Variants in AIMP1 observed in about 807,000 individuals in gnomAD.
The protein encoded by AIMP1 is aminoacyl tRNA synthetase complex interacting multifunctional protein 1, also known as aminoacyl tRNA synthase complex-interacting multifunctional protein 1.
AIMP1 carries 24 observed loss-of-function variants against 33.1 expected under a neutral mutation model. The observed-to-expected ratio is 0.73, with a 90% CI of 0.53 to 1.02. AIMP1 has a LOEUF of 1.02. Among genes scored for constraint, AIMP1 ranks in the 50% least tolerant of loss-of-function variants. The pLI is 0.00. For missense variants in AIMP1, 367 were observed against 364.8 expected (o/e 1.01, Z -0.05); for synonymous variants, 120 against 121.5 (o/e 0.99, Z 0.08).
At chr4:106,342,000 T>A (rs979508327) in intron 6 of AIMP1, among the ~76,000 whole-genome samples, 5 of 152,194 alleles carry the variant, frequency 3.3e-5, no homozygotes, top group Admixed American at 1.3e-4. Context: ...CTTGTAGAGA[T>A]CTTTCACCTC....
chr4:106,316,865 TG>T, intron 1 of AIMP1: 2 of 421,140 alleles, frequency 4.7e-6, no homozygotes, highest in East Asian at 7.6e-5. Context: ...GTTATGTGAA[TG>T]TGTGTGTCAA....
At chr4:106,316,892 T>A (rs1265358095) in intron 1 of AIMP1, among the ~76,000 whole-genome samples, 2 of 152,122 alleles carry the variant, frequency 1.3e-5, no homozygotes, top group Admixed American at 1.3e-4. Context: ...TTAGGTGCTT[T>A]GGGGGAGAGG....
In AIMP1 at chr4:106,346,934, A is replaced by G. The variant is rs923475824; in HGVS notation, c.773-592A>G. ...CAGCGGGCTGTACAGGAAGCATGGC[A>G]GCATCTGCTTCTGGGGAGCCTCAGA... On this transcript the variant is annotated intron_variant, in intron 6 of 6. Coordinates refer to ENST00000672341, the MANE Select transcript of AIMP1 (RefSeq NM_001142416.2). Among the ~76,000 whole-genome samples the G allele has an allele frequency of 4.5e-4, 69 of 152,166 alleles. 1 individual carries two copies. The highest frequency in any genetic ancestry group is 4.5e-3 in the Admixed American group (69 of 15,264).
intron 5 of AIMP1, among the ~76,000 whole-genome samples, chr4:106,335,287 T>C (rs139742000): frequency 6.6e-6 from 1 of 152,310 alleles, no homozygotes; most frequent in East Asian, 1.9e-4. Flanking sequence ...CCAGCTTAAA[T>C]TGGAAAAACT....
At chr4:106,318,900 G>A (rs1769090360) in intron 1 of AIMP1, among the ~76,000 whole-genome samples, 1 of 152,142 alleles carries the variant, frequency 6.6e-6, no homozygotes, top group Non-Finnish European at 1.5e-5. Context: ...AATATAGGAT[G>A]TGTCTAAGTA....
rs762399425 is a variant in AIMP1, at chr4:106,331,836, C to G, written c.556C>G (p.Pro186Ala). 2 of 1,614,052 alleles carry G rather than the reference C, an allele frequency of 1.2e-6. No homozygotes were observed. The highest frequency in any genetic ancestry group is 2.2e-5 in the South Asian group (2 of 91,078). Residue 186 changes from proline to alanine, a missense_variant, in exon 5 of 7, where the codon CCA becomes GCA. Physicochemically the swap from Pro to Ala is conservative, Grantham distance 27 (BLOSUM62 -1). Coordinates refer to ENST00000672341, the MANE Select transcript of AIMP1 (RefSeq NM_001142416.2). The stretch of plus-strand genomic sequence containing the variant: ...AGAAGTAGATGTCGGAGAAATAGCC[C>G]CAAGGACAGTTGTCAGTGGCCTGGT... The part of the protein sequence containing the change: ...VEEVDVGEIA[P>A]RTVVSGLVNH...
At chr4:106,316,467 C>A (rs1768889980), upstream of AIMP1, 4 of 1,374,046 alleles carry the variant, frequency 2.9e-6, no homozygotes, top group Admixed American at 2.0e-5. Context: ...AGGGTTGAAT[C>A]TGTAGAACAC....
At chr4:106,344,433 ATCT>A (rs1431191622) in intron 6 of AIMP1, among the ~76,000 whole-genome samples, 21 of 152,096 alleles carry the variant, frequency 1.4e-4, no homozygotes, top group Admixed American at 1.4e-3. Context: ...CAATCTGTAC[ATCT>A]TCTCCTCAGA....
Position 106,347,852 on chromosome 4 carries a change from G to A in AIMP1, c.*160G>A. 1.5e-6 allele frequency: 1 copy of A among 653,836 alleles called. No homozygotes were observed. Among genetic ancestry groups the A allele is most frequent in the Non-Finnish European group, 2.4e-6 (1 of 414,932 alleles). The allele number at this position is 653,836 out of a possible 1,614,324, so 40.5% of individuals were successfully genotyped here. The stretch of plus-strand genomic sequence containing the variant: ...GGTATATATTGTTTTCATTGATTGG[G>A]GAAACACTAGATTTTTACCTCGGTT... On this transcript the variant is annotated 3_prime_UTR_variant, in exon 7 of 7. Coordinates refer to ENST00000672341, the MANE Select transcript of AIMP1 (RefSeq NM_001142416.2).
At position 106,327,460 on chromosome 4, in the gene AIMP1, C is replaced by G; in HGVS notation, c.119C>G (p.Ala40Gly). ...SLLKEKAILQ[A>G]TLREEKKLRV... ...ATGTTCTTGATCCTAGTTTTGCAGG[C>G]AACTTTGAGGGAAGAGAAGAAACTT... is the stretch of plus-strand genomic sequence containing the variant. The change falls in exon 3 of 7, where the codon GCA (alanine) becomes GGA (glycine). Residue 40 changes from alanine (A) to glycine (G), a missense_variant. Ala to Gly is a moderately conservative substitution (Grantham distance 60). Transcript: ENST00000672341. 6.2e-7 allele frequency: 1 copy of G among 1,611,072 alleles called. No individual in the cohort carries two copies. The highest frequency in any genetic ancestry group is 8.5e-7 in the Non-Finnish European group (1 of 1,177,902).
At chr4:106,332,629 A>G (rs1011724048) in intron 5 of AIMP1, among the ~76,000 whole-genome samples, 1 of 148,680 alleles carries the variant, frequency 6.7e-6, no homozygotes, top group Middle Eastern at 3.6e-3. Flanking sequence ...ATATATATAT[A>G]TACATATATA....
At chr4:106,335,622 A>C (rs1292614580) in intron 5 of AIMP1, among the ~76,000 whole-genome samples, 2 of 152,166 alleles carry the variant, frequency 1.3e-5, no homozygotes, top group Admixed American at 1.3e-4. Flanking sequence ...TTTTGCTGTA[A>C]CTTTTAAGTT....
intron 1 of AIMP1, among the ~76,000 whole-genome samples, chr4:106,320,993 C>T (rs1406469113): frequency 1.3e-5 from 2 of 152,202 alleles, no homozygotes; most frequent in African/African-American, 2.4e-5. Flanking sequence ...AGTGATCTGC[C>T]AGCCTCGGCG....
intron 6 of AIMP1, 49 bp from the exon 7 acceptor site, chr4:106,347,477 T>TTC: frequency 6.5e-7 from 1 of 1,538,606 alleles, no homozygotes; most frequent in Non-Finnish European, 8.9e-7. Flanking sequence ...CTTTAATATT[T>TTC]TTGTATATTA....
chr4:106,337,081 C>T (rs763011325), intron 6 of AIMP1, 44 bp downstream of exon 6: 2 of 1,539,208 alleles, frequency 1.3e-6, no homozygotes, highest in South Asian at 2.2e-5. Context: ...GGAATCAGTT[C>T]TCAAAGTGAT....
intron 1 of AIMP1, among the ~76,000 whole-genome samples, chr4:106,323,373 G>A (rs929672256): frequency 2.0e-5 from 3 of 151,946 alleles, no homozygotes; most frequent in African/African-American, 7.2e-5. Context: ...TTGAAGGACT[G>A]TCTAGAACTG....
intron 2 of AIMP1, 101 bp from the exon 3 acceptor site, chr4:106,327,350 T>G: frequency 1.2e-6 from 1 of 815,726 alleles, no homozygotes; most frequent in Non-Finnish European, 2.1e-6. Context: ...CTAGAGCTAG[T>G]ATTATCCTAG....
intron 1 of AIMP1, among the ~76,000 whole-genome samples, chr4:106,317,521 A>G (rs1456792985): frequency 6.6e-6 from 1 of 152,202 alleles, no homozygotes; most frequent in Admixed American, 6.5e-5. Context: ...GGAGACCAAT[A>G]AGAAGAGTTT....
chr4:106,344,110 C>G (rs1006824145), intron 6 of AIMP1, among the ~76,000 whole-genome samples: 4 of 152,134 alleles, frequency 2.6e-5, no homozygotes, highest in African/African-American at 9.7e-5. Context: ...CCACACTCTC[C>G]TGGTGGTCCT....
Sources: gnomAD v4.1 joint callset for allele counts (sites outside exome capture counted in the v4.1 genomes callset) on GRCh38, gnomAD v4.1.1 for gene constraint, MANE v1.5 for transcripts, NCBI Gene and HGNC (gene_info 2026-07-23, HGNC 2026-07-21) for gene names.